CSMD3: variants seen among roughly 807,000 people sequenced by gnomAD.
CSMD3 encodes the protein CUB and Sushi multiple domains 3, also known as CUB and sushi domain-containing protein 3.
In CSMD3, 177 loss-of-function variants were observed where a neutral mutation model predicts 435.2. That is an observed-to-expected ratio of 0.41 (90% CI 0.36 to 0.46). The LOEUF is 0.46. Ranked by LOEUF, CSMD3 falls within the 20% of genes least tolerant of loss-of-function variation. CSMD3 has a pLI of 0.34. For missense variants in CSMD3, 4,265 were observed against 4,504.6 expected (o/e 0.95, Z 1.52); for synonymous variants, 1,656 against 1,520.5 (o/e 1.09, Z -2.07).
chr8:112,710,341 G>T (rs2131915345), intron 13 of CSMD3, among the ~76,000 whole-genome samples: 1 of 152,202 alleles, frequency 6.6e-6, no homozygotes, highest in Non-Finnish European at 1.5e-5. Flanking sequence ...CTATTTAAAA[G>T]GGTAACACGT....
Position 112,336,811 on chromosome 8 carries a change from A to T in CSMD3, c.6860T>A (p.Ile2287Lys), listed in dbSNP as rs2130958929. Residue 2287 changes from isoleucine to lysine, a missense_variant, in exon 44 of 71, where the codon ATA becomes AAA. Physicochemically the swap from Ile to Lys is moderately radical, Grantham distance 102. This residue lies in a region of CSMD3 where 3,255 missense variants were observed against 3,380.2 expected (regional missense o/e 0.96). Coordinates refer to ENST00000297405, the MANE Select transcript of CSMD3 (RefSeq NM_198123.2). The stretch of plus-strand genomic sequence containing the variant: ...ATAAATGGTGCCATTCATTGCAGTT[A>T]TATTCCCACCACAAAGAGCTACGGA... Reference protein sequence around the residue: ...PRCEALCGGNITAMNGTIYSP... With the variant: ...PRCEALCGGNKTAMNGTIYSP... 6.2e-7 allele frequency: 1 copy of T among 1,613,052 alleles called. No individual in the cohort carries two copies. Among genetic ancestry groups the T allele is most frequent in the Non-Finnish European group, 8.5e-7 (1 of 1,179,152 alleles).
At chr8:112,600,767 T>C (rs1832272510) in intron 22 of CSMD3, among the ~76,000 whole-genome samples, 1 of 151,892 alleles carries the variant, frequency 6.6e-6, no homozygotes, top group Non-Finnish European at 1.5e-5. Context: ...AAGCTCCACC[T>C]CCCAAGTTCA....
chr8:112,369,931 C>CAAG (rs758434221), intron 38 of CSMD3, among the ~76,000 whole-genome samples: 23,462 of 97,166 alleles, frequency 0.24, 6,730 homozygotes, highest in Middle Eastern at 0.43. Flanking sequence ...TTTGCTATTG[C>CAAG]AAGAAGAAGA....
At chr8:112,300,662 A>G (rs1483877593) in intron 53 of CSMD3, among the ~76,000 whole-genome samples, 1 of 151,966 alleles carries the variant, frequency 6.6e-6, no homozygotes, top group Non-Finnish European at 1.5e-5. Flanking sequence ...TCCATTAATG[A>G]CCCCAGAGAC....
chr8:113,012,805 C>T (rs2086305079), intron 6 of CSMD3, among the ~76,000 whole-genome samples: 1 of 151,972 alleles, frequency 6.6e-6, no homozygotes, highest in Non-Finnish European at 1.5e-5. Flanking sequence ...TTTGATAATA[C>T]AGTTCATCTA....
At chr8:112,926,688 T>C (rs1380072711) in intron 9 of CSMD3, among the ~76,000 whole-genome samples, 1 of 152,022 alleles carries the variant, frequency 6.6e-6, no homozygotes, top group Non-Finnish European at 1.5e-5. Context: ...CCCAAGATAG[T>C]GAATCTATAA....
intron 5 of CSMD3, among the ~76,000 whole-genome samples, chr8:113,032,773 C>T (rs1373449113): frequency 1.3e-5 from 2 of 151,486 alleles, no homozygotes; most frequent in Non-Finnish European, 3.0e-5. Context: ...AAAATGTCTC[C>T]AGGGCATGTC....
At chr8:112,523,565 C>T (rs1824534604) in intron 27 of CSMD3, among the ~76,000 whole-genome samples, 14 of 152,000 alleles carry the variant, frequency 9.2e-5, no homozygotes, top group Admixed American at 9.2e-4. Context: ...AAAAATGACA[C>T]TGTATTCTCC....
intron 16 of CSMD3, 93 bp from the exon 17 acceptor site, chr8:112,666,508 G>C (rs2075529467): frequency 1.9e-6 from 2 of 1,079,522 alleles, no homozygotes; most frequent in Admixed American, 2.0e-5. Context: ...ACAAGTCTCT[G>C]CATATCCTTA....
chr8:112,365,220 T>C (rs1827650925), intron 38 of CSMD3, among the ~76,000 whole-genome samples: 1 of 152,094 alleles, frequency 6.6e-6, no homozygotes. Context: ...CCTGCCTCCT[T>C]CCTCTTCAAT....
intron 42 of CSMD3, among the ~76,000 whole-genome samples, 177 bp from the exon 43 acceptor site, chr8:112,337,908 A>G (rs1824729587): frequency 6.6e-6 from 1 of 152,312 alleles, no homozygotes; most frequent in South Asian, 2.1e-4. Context: ...ATTTCTTCTC[A>G]TGTCTACAAT....
intron 4 of CSMD3, among the ~76,000 whole-genome samples, chr8:113,119,135 T>C (rs1318682583): frequency 6.6e-6 from 1 of 152,180 alleles, no homozygotes; most frequent in African/African-American, 2.4e-5. Context: ...TCCTGAATTC[T>C]ATATTTTAAA....
intron 10 of CSMD3, among the ~76,000 whole-genome samples, chr8:112,911,823 A>G (rs2082426466): frequency 1.4e-5 from 2 of 147,732 alleles, no homozygotes; most frequent in Non-Finnish European, 1.5e-5. Flanking sequence ...TATGTAATAT[A>G]ACATATATAC....
intron 22 of CSMD3, among the ~76,000 whole-genome samples, chr8:112,588,492 G>T: frequency 6.6e-6 from 1 of 151,196 alleles, no homozygotes; most frequent in South Asian, 2.1e-4. Context: ...TTCCAATATT[G>T]ATTTAAATTA....
At chr8:112,321,502 G>A (rs1242291575) in intron 45 of CSMD3, among the ~76,000 whole-genome samples, 1 of 152,124 alleles carries the variant, frequency 6.6e-6, no homozygotes, top group East Asian at 1.9e-4. Context: ...TTCAGGTGGA[G>A]GAGAAAACTT....
At chr8:113,351,927 T>A (rs1051638762) in intron 1 of CSMD3, among the ~76,000 whole-genome samples, 5 of 152,166 alleles carry the variant, frequency 3.3e-5, no homozygotes, top group Non-Finnish European at 7.3e-5. Context: ...TGTCTTCAAT[T>A]GCTTAATGAT....
chr8:112,324,894 TTAAA>T (rs2130893601), intron 45 of CSMD3, among the ~76,000 whole-genome samples: 1 of 152,124 alleles, frequency 6.6e-6, no homozygotes, highest in South Asian at 2.1e-4. Context: ...GCAGTGGGTG[TTAAA>T]TAAACAATTG....
chr8:113,284,971 G>A (rs1175538004), intron 2 of CSMD3, among the ~76,000 whole-genome samples: 1 of 152,138 alleles, frequency 6.6e-6, no homozygotes, highest in African/African-American at 2.4e-5. Flanking sequence ...CATGCAGGTG[G>A]TAGGCAGGTA....
intron 22 of CSMD3, among the ~76,000 whole-genome samples, chr8:112,603,280 T>C (rs1248994466): frequency 6.6e-6 from 1 of 152,250 alleles, no homozygotes; most frequent in East Asian, 1.9e-4. Context: ...ATTCAGTTTA[T>C]TGTATTGCAT....
Sources: gnomAD v4.1 joint callset for allele counts (sites outside exome capture counted in the v4.1 genomes callset) on GRCh38, gnomAD v4.1.1 for gene constraint, gnomAD v4.1.1 regional missense constraint, MANE v1.5 for transcripts, NCBI Gene and HGNC (gene_info 2026-07-23, HGNC 2026-07-21) for gene names.